The following RABGEF1 variants were observed in gnomAD, a reference collection of about 807,000 sequenced individuals.
The protein encoded by RABGEF1 is RAB guanine nucleotide exchange factor 1, also known as rab5 GDP/GTP exchange factor.
RABGEF1 carries 26 observed loss-of-function variants against 57.3 expected under a neutral mutation model. The observed-to-expected ratio is 0.45, with a 90% CI of 0.33 to 0.63. The LOEUF (loss-of-function observed/expected upper bound fraction) is 0.63. RABGEF1 is among the 20% of genes least tolerant of loss of function. The pLI is 0.02. For synonymous variants in RABGEF1, 185 were observed against 210.7 expected, an observed-to-expected ratio of 0.88 and a Z score of 1.06; for missense variants, 464 against 607.6, an observed-to-expected ratio of 0.76 and a Z score of 2.48.
intron 1 of RABGEF1, among the ~76,000 whole-genome samples, chr7:66,692,903 C>CA (rs1562701092): frequency 6.6e-6 from 1 of 152,210 alleles, no homozygotes; most frequent in Non-Finnish European, 1.5e-5. Flanking sequence ...CCCTACCCCC[C>CA]AGGCTTGAGG....
chr7:66,691,584 A>G (rs999677794), intron 1 of RABGEF1, among the ~76,000 whole-genome samples: 6 of 152,208 alleles, frequency 3.9e-5, no homozygotes, highest in Admixed American at 3.3e-4. Context: ...CAAAAGCAAT[A>G]TGCATTCAGT....
intron 1 of RABGEF1, among the ~76,000 whole-genome samples, chr7:66,770,803 A>G (rs1274528734): frequency 2.6e-5 from 4 of 152,066 alleles, no homozygotes; most frequent in South Asian, 2.1e-4. Flanking sequence ...TTTTTTTTAC[A>G]GTAGCCATCC....
intron 2 of RABGEF1, among the ~76,000 whole-genome samples, chr7:66,722,969 C>CT (rs1479814681): frequency 6.6e-6 from 1 of 151,766 alleles, no homozygotes; most frequent in Non-Finnish European, 1.5e-5. Context: ...TGTTTCTTTT[C>CT]TTTTTTTCTT....
chr7:66,797,402 G>T lies in RABGEF1; in HGVS notation c.624G>T (p.Met208Ile). The change falls in exon 6 of 9, where the codon ATG becomes ATT. Residue 208 changes from methionine to isoleucine, a missense_variant. Transcript: ENST00000284957. The part of the protein sequence containing the change: ...KVPPERVEKI[M>I]DQIEKYIMTR... ...CTCCAGAAAGAGTCGAGAAGATAAT[G>T]GATCAGATTGAAAAGTACATCATGA... 6.2e-7 allele frequency: 1 copy of T among 1,611,060 alleles called. No homozygotes were observed. The highest frequency in any genetic ancestry group is 8.5e-7 in the Non-Finnish European group (1 of 1,179,522).
intron 1 of RABGEF1, among the ~76,000 whole-genome samples, chr7:66,703,465 G>C (rs1170623429): frequency 6.6e-6 from 1 of 152,072 alleles, no homozygotes; most frequent in African/African-American, 2.4e-5. Context: ...TATGATGTCA[G>C]GTAAAGATAC....
At chr7:66,706,262 A>G (rs905763771) in intron 1 of RABGEF1, among the ~76,000 whole-genome samples, 1 of 152,090 alleles carries the variant, frequency 6.6e-6, no homozygotes, top group African/African-American at 2.4e-5. Flanking sequence ...GATATTATAA[A>G]TAAAACTGAT....
chr7:66,785,720 A>G (rs1226926101), intron 4 of RABGEF1, among the ~76,000 whole-genome samples: 3 of 152,112 alleles, frequency 2.0e-5, no homozygotes, highest in African/African-American at 4.8e-5. Flanking sequence ...TAAAAATACA[A>G]AAAATTAGCT....
At chr7:66,800,845 T>C (rs1282166727) in intron 7 of RABGEF1, among the ~76,000 whole-genome samples, 2 of 151,940 alleles carry the variant, frequency 1.3e-5, no homozygotes, top group Non-Finnish European at 2.9e-5. Context: ...TGGTAGCGAG[T>C]GTTTGTGTGA....
the RABGEF1 span, chr7:66,667,340 C>T: frequency 6.6e-6 from 1 of 152,336 alleles, no homozygotes; most frequent in Non-Finnish European, 1.5e-5. Flanking sequence ...CATATCTTCC[C>T]CGTTACTTCA....
the RABGEF1 span, among the ~76,000 whole-genome samples, chr7:66,659,458 A>AAAAAAAG: frequency 6.6e-6 from 1 of 151,492 alleles, no homozygotes; most frequent in South Asian, 2.1e-4. Flanking sequence ...TCTCAAAAAA[A>AAAAAAAG]AAAAAAGAAA....
intron 1 of RABGEF1, among the ~76,000 whole-genome samples, chr7:66,745,205 AT>A (rs1488642296): frequency 6.6e-6 from 1 of 151,908 alleles, no homozygotes; most frequent in Non-Finnish European, 1.5e-5. Flanking sequence ...AAAAAAAAAA[AT>A]GATATCAGTA....
chr7:66,677,057 C>A, the RABGEF1 span, among the ~76,000 whole-genome samples: 3 of 152,092 alleles, frequency 2.0e-5, no homozygotes, highest in Non-Finnish European at 4.4e-5. Context: ...ATTTTTCATG[C>A]TTACATTTAG....
chr7:66,780,615 C>G (rs568426083), intron 3 of RABGEF1, among the ~76,000 whole-genome samples: 1 of 152,244 alleles, frequency 6.6e-6, no homozygotes, highest in Admixed American at 6.5e-5. Context: ...TAAAAATCAC[C>G]TCTCTGTCAA....
At chr7:66,767,276 T>C (rs1255158895) in intron 1 of RABGEF1, among the ~76,000 whole-genome samples, 7 of 151,980 alleles carry the variant, frequency 4.6e-5, no homozygotes, top group Non-Finnish European at 2.9e-5. Context: ...GTGCTGGGAT[T>C]ATAGGTGTGA....
intron 4 of RABGEF1, among the ~76,000 whole-genome samples, chr7:66,789,682 CAAAAAAAAAAA>C (rs35661980): frequency 7.0e-5 from 4 of 57,468 alleles, no homozygotes; most frequent in African/African-American, 1.5e-4. Context: ...GACTCTATCT[CAAAAAAAAAAA>C]AAAAAAAAAA....
At chr7:66,681,429 C>G (rs534063707), upstream of RABGEF1, among the ~76,000 whole-genome samples, 45 of 143,814 alleles carry the variant, frequency 3.1e-4, no homozygotes, top group African/African-American at 1.2e-3. Flanking sequence ...GACAGGGTCT[C>G]GCTCTGCTCT....
chr7:66,763,472 ACTCT>A (rs1354079452), intron 1 of RABGEF1, among the ~76,000 whole-genome samples: 1 of 151,976 alleles, frequency 6.6e-6, no homozygotes, highest in African/African-American at 2.4e-5. Context: ...TAGTGCTTTG[ACTCT>A]CTCTAACTTC....
chr7:66,771,296 G>A (rs1262430773), intron 1 of RABGEF1, among the ~76,000 whole-genome samples: 2 of 151,876 alleles, frequency 1.3e-5, no homozygotes, highest in Non-Finnish European at 2.9e-5. Context: ...CCGCCACCAC[G>A]CCTGGCTAAT....
At chr7:66,803,012 T>TA (rs1247486404) in intron 7 of RABGEF1, among the ~76,000 whole-genome samples, 1 of 152,152 alleles carries the variant, frequency 6.6e-6, no homozygotes, top group Non-Finnish European at 1.5e-5. Context: ...AAAATGGCTT[T>TA]AAAAAATCTT....
Sources: allele counts gnomAD v4.1 joint callset (sites outside exome capture counted in the v4.1 genomes callset), GRCh38; gene constraint gnomAD v4.1.1; transcripts MANE v1.5; gene names NCBI Gene and HGNC (gene_info 2026-07-23, HGNC 2026-07-21).